CHORDC1: variants seen among roughly 807,000 people sequenced by gnomAD.
CHORDC1 encodes cysteine and histidine rich domain containing 1, also known as cysteine and histidine-rich domain-containing protein 1.
In CHORDC1, 25 loss-of-function variants were observed where a neutral mutation model predicts 48.3. That is an observed-to-expected ratio of 0.52 (90% CI 0.38 to 0.72). The LOEUF is 0.72. Ranked by LOEUF, CHORDC1 falls within the 30% of genes least tolerant of loss-of-function variation. The probability of loss-of-function intolerance (pLI) is 0.00; values close to 1 mark genes in which losing one functional copy is unlikely to be tolerated. For synonymous variants in CHORDC1, 128 were observed against 126.4 expected (o/e 1.01, Z -0.09); for missense variants, 317 against 388.7 (o/e 0.82, Z 1.55).
chr11:90,207,248 T>C (rs1857722084), intron 6 of CHORDC1: 1 of 153,682 alleles, frequency 6.5e-6, no homozygotes, highest in Non-Finnish European at 1.4e-5. Context: ...CTAACAGGTT[T>C]CTACTATTTC....
At chr11:90,205,684 T>C in intron 7 of CHORDC1, 119 bp from the exon 8 acceptor site, 1 of 648,812 alleles carries the variant, frequency 1.5e-6, no homozygotes, top group East Asian at 2.8e-5. Flanking sequence ...TCTAGCATTT[T>C]ACAAGTGTCT....
chr11:90,217,950 C>A, intron 2 of CHORDC1, 185 bp downstream of exon 2: 1 of 407,158 alleles, frequency 2.5e-6, no homozygotes, highest in Non-Finnish European at 4.4e-6. Flanking sequence ...TGGAAAAGAC[C>A]TTAAGATCAT....
intron 2 of CHORDC1, among the ~76,000 whole-genome samples, chr11:90,216,737 G>C (rs1389524531): frequency 6.6e-6 from 1 of 152,180 alleles, no homozygotes. Context: ...GAGCAGTAAA[G>C]TTGAGAGGCA....
intron 1 of CHORDC1, among the ~76,000 whole-genome samples, chr11:90,220,909 ATT>A: frequency 6.6e-6 from 1 of 152,262 alleles, no homozygotes; most frequent in African/African-American, 2.4e-5. Flanking sequence ...AGCTGTGTTT[ATT>A]CTAGAATAAG....
chr11:90,213,485 G>A (rs1857924362), intron 4 of CHORDC1: 2 of 664,664 alleles, frequency 3.0e-6, no homozygotes, highest in African/African-American at 1.8e-5. Context: ...CAGAAGGCAA[G>A]TATGAAGAAT....
intron 2 of CHORDC1, chr11:90,216,463 C>A: frequency 3.1e-6 from 1 of 318,286 alleles, no homozygotes; most frequent in Admixed American, 4.8e-5. Context: ...TAACTTCTTA[C>A]TTGGTCAACT....
Position 90,214,052 on chromosome 11 carries a change from C to T in CHORDC1, c.295G>A (p.Ala99Thr). 1 of 1,613,142 alleles carries T rather than the reference C, an allele frequency of 6.2e-7. No individual in the cohort carries two copies. Among genetic ancestry groups the T allele is most frequent in the Non-Finnish European group, 8.5e-7 (1 of 1,179,460 alleles). ...KPKFQEHIIQAPKPVEAIKRP... is the reference protein window; with the variant it reads ...KPKFQEHIIQTPKPVEAIKRP... ...TTTATTGCTTCTACTGGCTTAGGGG[C>T]TTGAATGATGTGTTCCTGAAATTTG... Residue 99 changes from alanine to threonine, a missense_variant, in exon 4 of 11, where the codon GCC (alanine) becomes ACC (threonine). Ala to Thr is a moderately conservative substitution (Grantham distance 58). Coordinates refer to ENST00000320585, the MANE Select transcript of CHORDC1 (RefSeq NM_012124.3).
At chr11:90,220,156 G>C (rs1858130959) in intron 1 of CHORDC1, among the ~76,000 whole-genome samples, 1 of 152,174 alleles carries the variant, frequency 6.6e-6, no homozygotes, top group African/African-American at 2.4e-5. Flanking sequence ...ATGTCGCACA[G>C]GGAAGCCAAA....
chr11:90,217,317 A>G (rs548738331), intron 2 of CHORDC1, among the ~76,000 whole-genome samples: 2 of 152,290 alleles, frequency 1.3e-5, no homozygotes, highest in South Asian at 4.2e-4. Flanking sequence ...AAACCATGGC[A>G]GCCCTACCAC....
At chr11:90,213,094 G>T in intron 4 of CHORDC1, 1 of 259,386 alleles carries the variant, frequency 3.9e-6, no homozygotes, top group Non-Finnish European at 7.3e-6. Flanking sequence ...AGCATTCAAT[G>T]GTCTCCTCTA....
intron 6 of CHORDC1, chr11:90,207,776 A>AC (rs1475851025): frequency 6.7e-6 from 1 of 148,962 alleles, no homozygotes; most frequent in African/African-American, 2.4e-5. Context: ...AAAAAAAAAA[A>AC]AACAAAAAAA....
At chr11:90,206,324 T>C in intron 6 of CHORDC1, 52 bp from the exon 7 acceptor site, 1 of 977,186 alleles carries the variant, frequency 1.0e-6, no homozygotes, top group South Asian at 1.3e-5. Flanking sequence ...TACAGTTACA[T>C]CTCATACATA....
intron 6 of CHORDC1, among the ~76,000 whole-genome samples, chr11:90,209,849 C>G (rs1857811365): frequency 6.6e-6 from 1 of 152,164 alleles, no homozygotes. Context: ...TCACCAGTCA[C>G]AGAATCTTTC....
intron 9 of CHORDC1, 122 bp from the exon 10 acceptor site, chr11:90,202,997 T>A: frequency 8.1e-7 from 1 of 1,233,108 alleles, no homozygotes; most frequent in East Asian, 2.6e-5. Flanking sequence ...CTGCCAATAC[T>A]GTATTGTTTC....
chr11:90,203,747 G>A (rs1213476728), intron 8 of CHORDC1, among the ~76,000 whole-genome samples: 1 of 152,046 alleles, frequency 6.6e-6, no homozygotes. Flanking sequence ...TTAACATTCT[G>A]TAACCTACTA....
Position 90,218,199 on chromosome 11 carries a change from G to GAAA in CHORDC1, c.65-18_65-16dup. On this transcript the variant is annotated splice_polypyrimidine_tract_variant and intron_variant, in intron 1 of 10. Transcript: ENST00000320585. Reference sequence around the variant, plus strand: ...TGTGCAAGCATCTGGAGAAAACAGAGAAAAAAAAAAAAGTACCACTCTTTA... The same window carrying GAAA: ...TGTGCAAGCATCTGGAGAAAACAGAGAAAAAAAAAAAAAAAGTACCACTCTTTA... 2.3e-6 allele frequency: 3 copies of GAAA among 1,329,400 alleles called. No individual in the cohort carries two copies. Among genetic ancestry groups the GAAA allele is most frequent in the East Asian group, 2.8e-5 (1 of 35,838 alleles). The allele number at this position is 1,329,400 out of a possible 1,614,324, so 82.4% of individuals were successfully genotyped here. A position where few individuals can be genotyped will look rare whatever the true frequency, so the allele number is the denominator to read the frequency against.
intron 3 of CHORDC1, 42 bp downstream of exon 3, chr11:90,215,132 T>C: frequency 8.8e-7 from 1 of 1,135,668 alleles, no homozygotes; most frequent in Non-Finnish European, 1.2e-6. Flanking sequence ...CTATAACATG[T>C]ATTTTTAGGA....
chr11:90,206,217 G>A lies in CHORDC1; in HGVS notation c.548C>T (p.Pro183Leu), dbSNP rs375878995. The A allele has an allele frequency of 1.3e-6, 2 of 1,554,958 alleles. No individual in the cohort carries two copies. The highest frequency in any genetic ancestry group is 2.7e-5 in the African/African-American group (2 of 73,888). The stretch of plus-strand genomic sequence containing the variant: ...CATAAGTTACCCCTCATGGAAAATA[G>A]GTACTCCAGAATGATATACACAGAC... The part of the protein sequence containing the change: ...EEVCVYHSGV[P>L]IFHEGMKYWS... Residue 183 changes from proline (P) to leucine (L), a missense_variant, in exon 7 of 11, where the codon CCT becomes CTT. Coordinates refer to ENST00000320585, the MANE Select transcript of CHORDC1 (RefSeq NM_012124.3).
chr11:90,203,218 G>A (rs1407850705), intron 9 of CHORDC1, 90 bp downstream of exon 9: 21 of 1,219,940 alleles, frequency 1.7e-5, no homozygotes, highest in Non-Finnish European at 2.3e-5. Flanking sequence ...CCCCAAATCA[G>A]CTGAGATATA....
Sources: allele counts gnomAD v4.1 joint callset (sites outside exome capture counted in the v4.1 genomes callset), GRCh38; gene constraint gnomAD v4.1.1; transcripts MANE v1.5; gene names NCBI Gene and HGNC (gene_info 2026-07-23, HGNC 2026-07-21).